Variants in GPC4 observed in about 807,000 individuals in gnomAD.
GPC4 encodes glypican 4, also known as glypican-4.
GPC4 carries 10 observed loss-of-function variants against 35.0 expected under a neutral mutation model. That is an observed-to-expected ratio of 0.29 (90% CI 0.18 to 0.48). The LOEUF (loss-of-function observed/expected upper bound fraction) is 0.48. GPC4 is among the 20% of genes least tolerant of loss of function. The pLI is 0.99. For missense variants in GPC4, 322 were observed against 451.3 expected (o/e 0.71, Z 2.60); for synonymous variants, 167 against 170.2 (o/e 0.98, Z 0.15).
rs954000052 is a variant in GPC4, at chrX:133,368,790, G to GC, written c.161-29450dup. Among the ~76,000 whole-genome samples, 5 of 109,791 alleles carry GC rather than the reference G, an allele frequency of 4.6e-5. 1 individual carries two copies. The highest frequency in any genetic ancestry group is 9.5e-5 in the Non-Finnish European group (5 of 52,731). On this transcript the variant is annotated intron_variant, in intron 1 of 8. Coordinates refer to ENST00000370828, the MANE Select transcript of GPC4 (RefSeq NM_001448.3). ...CTCCTGAGTAGCTGGGACTACAGGT[G>GC]CCCGCCACCACACCCAGCTAATTTT... is the stretch of plus-strand genomic sequence containing the variant.
chrX:133,386,234 C>CA (rs1297804504), intron 1 of GPC4, among the ~76,000 whole-genome samples: 466 of 35,902 alleles, frequency 0.013, 3 homozygotes, highest in Middle Eastern at 0.057. Flanking sequence ...GACCCTGTCT[C>CA]AAAAAAAAAA....
chrX:133,344,647 A>T (rs925052856), intron 1 of GPC4, among the ~76,000 whole-genome samples: 1 of 111,679 alleles, frequency 9.0e-6, no homozygotes, highest in African/African-American at 3.3e-5. Flanking sequence ...GAGGTGGGGC[A>T]GTAATAGAGG....
At chrX:133,310,599 C>A (rs971961611) in intron 4 of GPC4, among the ~76,000 whole-genome samples, 1 of 112,023 alleles carries the variant, frequency 8.9e-6, no homozygotes, top group African/African-American at 3.2e-5. Flanking sequence ...CTCACCAGAG[C>A]AGACTACTAC....
At position 133,345,685 on chromosome X, in the gene GPC4, A is replaced by G. The variant is rs905118851; in HGVS notation, c.161-6344T>C. On this transcript the variant is annotated intron_variant, in intron 1 of 8. Coordinates refer to ENST00000370828, the MANE Select transcript of GPC4 (RefSeq NM_001448.3). Reference sequence around the variant, plus strand: ...GTACATCACTTTTCCTTTTCTGTCCATAAATCCTCTCCAACTACATGGCAG... The same window carrying G: ...GTACATCACTTTTCCTTTTCTGTCCGTAAATCCTCTCCAACTACATGGCAG... Among the ~76,000 whole-genome samples the G allele has an allele frequency of 2.7e-5, 3 of 112,057 alleles. No individual in the cohort carries two copies. The East Asian group carries it at 8.4e-4, about 31-fold the overall frequency.
chrX:133,404,292 A>G, intron 1 of GPC4, among the ~76,000 whole-genome samples: 1 of 99,422 alleles, frequency 1.0e-5, no homozygotes, highest in South Asian at 4.8e-4. Flanking sequence ...TCACGCCTGT[A>G]ACCCCAGCAC....
At chrX:133,376,176 A>G in intron 1 of GPC4, among the ~76,000 whole-genome samples, 1 of 112,530 alleles carries the variant, frequency 8.9e-6, no homozygotes, top group East Asian at 2.8e-4. Flanking sequence ...GCTCAAAGCC[A>G]AGAAGAGCCC....
At chrX:133,409,585 T>C (rs747595553) in intron 1 of GPC4, among the ~76,000 whole-genome samples, 22 of 111,352 alleles carry the variant, frequency 2.0e-4, no homozygotes, top group Non-Finnish European at 3.8e-4. Flanking sequence ...TTGCTTCCAG[T>C]TGAGAAGACA....
chrX:133,370,727 T>C (rs191002906), intron 1 of GPC4, among the ~76,000 whole-genome samples: 29 of 111,405 alleles, frequency 2.6e-4, no homozygotes, highest in South Asian at 7.8e-4. Flanking sequence ...CTTCTAAGGA[T>C]TGAATGACCA....
intron 1 of GPC4, among the ~76,000 whole-genome samples, chrX:133,386,717 A>G (rs2068692500): frequency 8.9e-6 from 1 of 112,041 alleles, no homozygotes; most frequent in East Asian, 2.8e-4. Flanking sequence ...ACATACTTGA[A>G]CTAAAAGTAT....
At chrX:133,335,063 C>T (rs1374034199) in intron 2 of GPC4, among the ~76,000 whole-genome samples, 3 of 111,638 alleles carry the variant, frequency 2.7e-5, no homozygotes, top group Non-Finnish European at 5.6e-5. Flanking sequence ...TCCCAAAACA[C>T]GGATTATGCC....
chrX:133,303,374 C>T (rs769866576), intron 7 of GPC4, 33 bp from the exon 8 acceptor site: 34 of 1,148,551 alleles, frequency 3.0e-5, no homozygotes, highest in Middle Eastern at 2.6e-4. Context: ...TAAGATGATT[C>T]GTAAAGCGAA....
chrX:133,331,875 TG>T (rs1368547994), intron 2 of GPC4, among the ~76,000 whole-genome samples: 3 of 111,605 alleles, frequency 2.7e-5, no homozygotes, highest in African/African-American at 9.8e-5. Context: ...GAGTGACGGT[TG>T]GGTGCTGGGG....
chrX:133,385,642 A>G (rs761045691), intron 1 of GPC4, among the ~76,000 whole-genome samples: 1 of 111,790 alleles, frequency 8.9e-6, no homozygotes, highest in Admixed American at 9.6e-5. Flanking sequence ...CCTCTCTGAG[A>G]TGCTTGTGAA....
intron 2 of GPC4, among the ~76,000 whole-genome samples, chrX:133,326,296 C>T (rs1352511124): frequency 9.0e-6 from 1 of 111,458 alleles, no homozygotes; most frequent in African/African-American, 3.3e-5. Flanking sequence ...CCTGGGATGG[C>T]CTTTTATTTT....
chrX:133,330,462 T>G (rs1603067392), intron 2 of GPC4, among the ~76,000 whole-genome samples: 1 of 111,920 alleles, frequency 8.9e-6, no homozygotes, highest in Non-Finnish European at 1.9e-5. Flanking sequence ...AACCTGAAAT[T>G]TGATTTATCA....
At chrX:133,324,872 T>C (rs779617229) in intron 2 of GPC4, among the ~76,000 whole-genome samples, 11 of 111,769 alleles carry the variant, frequency 9.8e-5, no homozygotes, top group Middle Eastern at 4.2e-3. Flanking sequence ...AAAGAAAAAC[T>C]GGAAAAAATG....
chrX:133,360,092 G>C (rs1157152603), intron 1 of GPC4, among the ~76,000 whole-genome samples: 1 of 110,702 alleles, frequency 9.0e-6, no homozygotes, highest in Non-Finnish European at 1.9e-5. Context: ...AATAAACCAG[G>C]ACTCTTGGGG....
At chrX:133,393,599 T>C (rs1053414734) in intron 1 of GPC4, among the ~76,000 whole-genome samples, 3 of 110,790 alleles carry the variant, frequency 2.7e-5, no homozygotes, top group African/African-American at 9.9e-5. Flanking sequence ...GAATTTGGCA[T>C]GTGCTGATGT....
At chrX:133,365,531 T>C (rs1419931051) in intron 1 of GPC4, among the ~76,000 whole-genome samples, 2 of 111,672 alleles carry the variant, frequency 1.8e-5, no homozygotes, top group Non-Finnish European at 1.9e-5. Context: ...AAGTCAAAAC[T>C]ACCTATTTGA....
Sources: gnomAD v4.1 joint callset for allele counts (sites outside exome capture counted in the v4.1 genomes callset) on GRCh38, gnomAD v4.1.1 for gene constraint, MANE v1.5 for transcripts, NCBI Gene and HGNC (gene_info 2026-07-23, HGNC 2026-07-21) for gene names.